EIF4E3: variants seen among roughly 807,000 people sequenced by gnomAD.
EIF4E3 encodes the protein eukaryotic translation initiation factor 4E type 3.
EIF4E3 carries 26 observed loss-of-function variants against 31.7 expected under a neutral mutation model. The ratio of observed to expected loss-of-function variants is 0.82; its 90% CI spans 0.60 to 1.14. The LOEUF (loss-of-function observed/expected upper bound fraction) is 1.14, where lower values mean the gene tolerates loss of function less well. Ranked by LOEUF, EIF4E3 falls within the 50% of genes most tolerant of loss-of-function variation. EIF4E3 has a pLI of 0.00. For synonymous variants in EIF4E3, 128 were observed against 107.7 expected, an observed-to-expected ratio of 1.19 and a Z score of -1.17; for missense variants, 304 against 270.9, an observed-to-expected ratio of 1.12 and a Z score of -0.86.
At position 71,724,120 on chromosome 3, in the gene EIF4E3, A is replaced by C. The variant is rs568588292; in HGVS notation, c.176+1072T>G. Among the ~76,000 whole-genome samples, 26 of 152,348 alleles carry C rather than the reference A, an allele frequency of 1.7e-4. No homozygotes were observed. In the South Asian group the frequency reaches 3.3e-3, roughly 19 times the overall value. On this transcript the variant is annotated intron_variant, in intron 1 of 6. Transcript: ENST00000425534. ...ACACATTTCTTCCTAACACTTAGCC[A>C]GAATAGACACGGTTTCATCAAAATT...
chr3:71,672,669 G>A (rs2048853314), downstream of EIF4E3, among the ~76,000 whole-genome samples: 1 of 152,232 alleles, frequency 6.6e-6, no homozygotes, highest in Non-Finnish European at 1.5e-5. Flanking sequence ...GGCCTTTGAA[G>A]TGGAAGGATG....
chr3:71,696,354 G>C, intron 4 of EIF4E3, 106 bp downstream of exon 4: 2 of 1,201,318 alleles, frequency 1.7e-6, no homozygotes, highest in Non-Finnish European at 2.4e-6. Context: ...AGCCTGTTTG[G>C]GGACTGCCAG....
At chr3:71,696,242 T>G (rs2049133942) in intron 4 of EIF4E3, among the ~76,000 whole-genome samples, 1 of 152,184 alleles carries the variant, frequency 6.6e-6, no homozygotes, top group South Asian at 2.1e-4. Flanking sequence ...CATGATACAG[T>G]CACATACTAC....
chr3:71,723,205 T>A (rs2049577983), intron 1 of EIF4E3, among the ~76,000 whole-genome samples: 1 of 152,192 alleles, frequency 6.6e-6, no homozygotes, highest in African/African-American at 2.4e-5. Context: ...GGAGAAAAGT[T>A]ACTAATGAAC....
At position 71,684,393 on chromosome 3, in the gene EIF4E3, C is replaced by CA. The variant is rs71623920; in HGVS notation, c.*288dup. 0.32 allele frequency: 63,683 copies of CA among 197,672 alleles called. 7,465 individuals are homozygous for CA. The highest frequency in any genetic ancestry group is 0.56 in the East Asian group (5,985 of 10,642). The allele number at this position is 197,672 out of a possible 1,614,324, so 12.2% of individuals were successfully genotyped here. Reference sequence around the variant, plus strand: ...AGGCTGAATAAGGAATTTTAAACGGCAAAAAAAAAAAAAAATCAGAGTGAA... The same window carrying CA: ...AGGCTGAATAAGGAATTTTAAACGGCAAAAAAAAAAAAAAAATCAGAGTGAA... On this transcript the variant is annotated 3_prime_UTR_variant, in exon 7 of 7. Transcript: ENST00000425534.
intron 1 of EIF4E3, among the ~76,000 whole-genome samples, chr3:71,732,045 A>C (rs1374597996): frequency 6.6e-6 from 1 of 152,188 alleles, no homozygotes; most frequent in African/African-American, 2.4e-5. Context: ...CTCTGCCACA[A>C]CATGAGCTCC....
the EIF4E3 span, among the ~76,000 whole-genome samples, chr3:71,661,907 A>T: frequency 6.6e-6 from 1 of 152,152 alleles, no homozygotes; most frequent in Non-Finnish European, 1.5e-5. Flanking sequence ...CTGGGGTCAA[A>T]GTGTCCGTAT....
chr3:71,724,563 G>C (rs1458339399), intron 1 of EIF4E3, among the ~76,000 whole-genome samples: 1 of 152,292 alleles, frequency 6.6e-6, no homozygotes, highest in East Asian at 1.9e-4. Flanking sequence ...TTCCTGACAA[G>C]GTCAGCTGCT....
intron 2 of EIF4E3, among the ~76,000 whole-genome samples, chr3:71,706,838 T>A (rs2049300203): frequency 1.3e-5 from 2 of 152,000 alleles, no homozygotes; most frequent in South Asian, 4.1e-4. Context: ...AAAAAAAAAT[T>A]AATATACAAT....
rs573361384 is a variant in EIF4E3 at position 71,750,404 on chromosome 3, C to G, written c.-291+3059G>C. Among the ~76,000 whole-genome samples the G allele has an allele frequency of 2.0e-5, 3 of 152,282 alleles. No individual in the cohort carries two copies. In the East Asian group the frequency reaches 5.8e-4, roughly 29 times the overall value. On this transcript the variant is annotated intron_variant, in intron 1 of 7. Transcript: ENST00000295612. ...AGGAGTGGGAGGACCTGGGTTCTCC[C>G]TCCCACTCAGCTATTCATGAGCTTC...
chr3:71,668,350 A>T, the EIF4E3 span, among the ~76,000 whole-genome samples: 2 of 152,218 alleles, frequency 1.3e-5, no homozygotes, highest in East Asian at 3.8e-4. Context: ...ATGGGCAAAG[A>T]CTTCATGACT....
At chr3:71,724,578 A>C (rs553713032) in intron 1 of EIF4E3, among the ~76,000 whole-genome samples, 17 of 152,304 alleles carry the variant, frequency 1.1e-4, no homozygotes, top group African/African-American at 3.6e-4. Context: ...GCTGCTGCTC[A>C]TTATTGAATC....
At chr3:71,671,302 C>G (rs965168821), downstream of EIF4E3, among the ~76,000 whole-genome samples, 1 of 151,922 alleles carries the variant, frequency 6.6e-6, no homozygotes, top group Non-Finnish European at 1.5e-5. Context: ...GCATCCCTAC[C>G]GGGTGAGCAG....
At chr3:71,744,389 G>A (rs1429750350) in intron 1 of EIF4E3, among the ~76,000 whole-genome samples, 2 of 152,104 alleles carry the variant, frequency 1.3e-5, no homozygotes, top group Non-Finnish European at 2.9e-5. Context: ...TTTATTCCCA[G>A]CCAAACTATC....
At position 71,736,244 on chromosome 3, in the gene EIF4E3, AGT is replaced by A. The variant is rs543531958; in HGVS notation, c.-290-7623_-290-7622del. On this transcript the variant is annotated intron_variant, in intron 1 of 7. Coordinates refer to the EIF4E3 transcript ENST00000295612. ...CAGCCACTTTGAAAGACAGTTTGGC[AGT>A]TTATTACAAAACTAAACATACTCTT... 1.1e-4 allele frequency among the ~76,000 whole-genome samples: 16 copies of A among 152,378 alleles called. No homozygotes were observed. The South Asian group carries it at 3.1e-3, about 30-fold the overall frequency.
the EIF4E3 span, among the ~76,000 whole-genome samples, chr3:71,662,105 T>C: frequency 1.3e-5 from 2 of 152,242 alleles, no homozygotes; most frequent in South Asian, 4.1e-4. Flanking sequence ...ATTTCTTGTT[T>C]CCATTTTGTC....
intron 6 of EIF4E3, among the ~76,000 whole-genome samples, chr3:71,684,988 G>T (rs3732736): frequency 0.11 from 16,885 of 152,148 alleles, 2,036 homozygotes; most frequent in East Asian, 0.54. Flanking sequence ...TGCCTGGGAG[G>T]ATGAGTCATC....
intron 1 of EIF4E3, among the ~76,000 whole-genome samples, chr3:71,744,074 A>G (rs2049847508): frequency 6.6e-6 from 1 of 152,200 alleles, no homozygotes; most frequent in African/African-American, 2.4e-5. Context: ...AGCATAATTC[A>G]TAAAATAATT....
At chr3:71,720,181 C>T (rs13099444) in intron 1 of EIF4E3, among the ~76,000 whole-genome samples, 11,597 of 151,352 alleles carry the variant, frequency 0.077, 515 homozygotes, top group Non-Finnish European at 0.099. Flanking sequence ...TATGTACGTA[C>T]ATATGTAAGT....
Sources: gnomAD v4.1 joint callset for allele counts (sites outside exome capture counted in the v4.1 genomes callset) on GRCh38, gnomAD v4.1.1 for gene constraint, MANE v1.5 for transcripts, NCBI Gene and HGNC (gene_info 2026-07-23, HGNC 2026-07-21) for gene names.